Variants in LOC128092252 observed in about 807,000 individuals in gnomAD.
At chr15:50,653,585 C>T in the LOC128092252 span, among the ~76,000 whole-genome samples, 1 of 152,096 alleles carries the variant, frequency 6.6e-6, no homozygotes, top group Non-Finnish European at 1.5e-5. Flanking sequence ...ATGAGGTAAA[C>T]CCCCATGACT....
chr15:50,665,028 T>C, the LOC128092252 span, among the ~76,000 whole-genome samples: 1 of 152,206 alleles, frequency 6.6e-6, no homozygotes, highest in Admixed American at 6.5e-5. Context: ...ACAAGCTTCA[T>C]TTAATAAATA....
the LOC128092252 span, among the ~76,000 whole-genome samples, chr15:50,650,916 T>A: frequency 6.6e-6 from 1 of 152,150 alleles, no homozygotes; most frequent in African/African-American, 2.4e-5. Flanking sequence ...TGGCCGGGCG[T>A]GGTAGCTCAC....
At chr15:50,668,102 T>C in the LOC128092252 span, among the ~76,000 whole-genome samples, 1 of 152,242 alleles carries the variant, frequency 6.6e-6, no homozygotes, top group Non-Finnish European at 1.5e-5. Context: ...ATACAACTGT[T>C]GTCATGTTTT....
chr15:50,676,285 G>T, the LOC128092252 span, among the ~76,000 whole-genome samples: 1 of 152,068 alleles, frequency 6.6e-6, no homozygotes, highest in African/African-American at 2.4e-5. Flanking sequence ...TGCTGTTAAG[G>T]TAACATGTGG....
chr15:50,661,759 T>C, the LOC128092252 span, among the ~76,000 whole-genome samples: 2 of 152,272 alleles, frequency 1.3e-5, no homozygotes, highest in East Asian at 3.9e-4. Context: ...GAGAACACAG[T>C]GTGACAGGAG....
At chr15:50,679,039 A>G in the LOC128092252 span, among the ~76,000 whole-genome samples, 1 of 151,850 alleles carries the variant, frequency 6.6e-6, no homozygotes, top group Non-Finnish European at 1.5e-5. Context: ...ACGCCCGGCT[A>G]ATTTTTGTAT....
chr15:50,686,174 T>C, the LOC128092252 span, among the ~76,000 whole-genome samples: 3 of 152,206 alleles, frequency 2.0e-5, no homozygotes, highest in Non-Finnish European at 2.9e-5. Flanking sequence ...TCCCAGGAGA[T>C]GCGGAGCTTG....
chr15:50,671,567 G>A, the LOC128092252 span, among the ~76,000 whole-genome samples: 1 of 152,098 alleles, frequency 6.6e-6, no homozygotes, highest in African/African-American at 2.4e-5. Flanking sequence ...ACCTTGCCGT[G>A]GGAGGAGGAG....
the LOC128092252 span, among the ~76,000 whole-genome samples, chr15:50,665,822 C>T: frequency 3.3e-5 from 5 of 151,884 alleles, no homozygotes; most frequent in East Asian, 1.9e-4. Context: ...TGGTGAAAAC[C>T]GTCTCTACTA....
chr15:50,658,608 CAG>C, the LOC128092252 span, among the ~76,000 whole-genome samples: 2 of 150,528 alleles, frequency 1.3e-5, no homozygotes, highest in African/African-American at 2.4e-5. Flanking sequence ...GGCAAGAATA[CAG>C]AGAGAGTCTG....
At chr15:50,678,517 A>ATATAT in the LOC128092252 span, among the ~76,000 whole-genome samples, 7 of 132,720 alleles carry the variant, frequency 5.3e-5, no homozygotes, top group African/African-American at 2.0e-4. Flanking sequence ...AAAAAAAAAA[A>ATATAT]ATATATATAT....
the LOC128092252 span, among the ~76,000 whole-genome samples, chr15:50,665,626 A>G: frequency 6.6e-6 from 1 of 152,158 alleles, no homozygotes; most frequent in Non-Finnish European, 1.5e-5. Flanking sequence ...AATTCTATGC[A>G]CTTGAAAACC....
the LOC128092252 span, among the ~76,000 whole-genome samples, chr15:50,652,722 AAAAC>A: frequency 6.6e-6 from 1 of 152,072 alleles, no homozygotes; most frequent in Non-Finnish European, 1.5e-5. Flanking sequence ...GAAAAAAACA[AAAAC>A]AAAATAAAAC....
chr15:50,677,325 C>T, the LOC128092252 span, among the ~76,000 whole-genome samples: 2 of 152,092 alleles, frequency 1.3e-5, no homozygotes, highest in African/African-American at 2.4e-5. Context: ...AAGTTCTCAT[C>T]TCCAAATACC....
chr15:50,686,503 C>T, the LOC128092252 span: 44 of 1,614,000 alleles, frequency 2.7e-5, no homozygotes, highest in Non-Finnish European at 3.7e-5. Context: ...AGAACCATTC[C>T]CCGCCCGGGC....
chr15:50,662,230 G>A, the LOC128092252 span, among the ~76,000 whole-genome samples: 1 of 151,796 alleles, frequency 6.6e-6, no homozygotes, highest in Non-Finnish European at 1.5e-5. Context: ...GCACATGCCT[G>A]TAGTCCCAGC....
At chr15:50,677,033 A>G in the LOC128092252 span, among the ~76,000 whole-genome samples, 1 of 152,218 alleles carries the variant, frequency 6.6e-6, no homozygotes, top group African/African-American at 2.4e-5. Flanking sequence ...CAACTGTCTT[A>G]GTCGGCTTGG....
chr15:50,677,749 A>C, the LOC128092252 span, among the ~76,000 whole-genome samples: 3 of 148,316 alleles, frequency 2.0e-5, no homozygotes, highest in South Asian at 2.1e-4. Context: ...AAAAAAAAAA[A>C]AAAAAAAAAA....
the LOC128092252 span, among the ~76,000 whole-genome samples, chr15:50,666,505 G>A: frequency 2.0e-5 from 3 of 151,508 alleles, no homozygotes; most frequent in South Asian, 2.1e-4. Flanking sequence ...CGAAGAGGAA[G>A]AGGAAAAAGA....
Sources: gnomAD v4.1 joint callset for allele counts (sites outside exome capture counted in the v4.1 genomes callset) on GRCh38, gnomAD v4.1.1 for gene constraint, MANE v1.5 for transcripts.